The following CDCA5 variants were observed in gnomAD, a reference collection of about 807,000 sequenced individuals.
CDCA5 encodes the protein cell division cycle associated 5, also known as sororin.
A neutral mutation model predicts 25.7 loss-of-function variants in CDCA5; 14 were observed. The observed-to-expected ratio is 0.54, with a 90% CI of 0.36 to 0.85. The LOEUF is 0.85. Among genes scored for constraint, CDCA5 ranks in the 40% least tolerant of loss-of-function variants. The pLI is 0.01. For synonymous variants in CDCA5, 127 were observed against 128.7 expected, an observed-to-expected ratio of 0.99 and a Z score of 0.09; for missense variants, 307 against 324.5, an observed-to-expected ratio of 0.95 and a Z score of 0.41.
At position 65,083,913 on chromosome 11, in the gene CDCA5, C is replaced by T; in HGVS notation, c.46+20G>A. The stretch of plus-strand genomic sequence containing the variant: ...CCCCAAACGGCTCGACCTCACGTCT[C>T]CCGCGCGCCCTCCGCTCACCGGAGC... On this transcript the variant is annotated intron_variant, in intron 1 of 5. Coordinates refer to ENST00000275517, the MANE Select transcript of CDCA5 (RefSeq NM_080668.4). The T allele has an allele frequency of 6.2e-7, 1 of 1,609,424 alleles. No homozygotes were observed. The highest frequency in any genetic ancestry group is 8.5e-7 in the Non-Finnish European group (1 of 1,179,808).
downstream of CDCA5, among the ~76,000 whole-genome samples, chr11:65,061,792 A>G (rs530589848): frequency 1.3e-5 from 2 of 150,850 alleles, no homozygotes; most frequent in Admixed American, 1.3e-4. Flanking sequence ...AAAAAAAAAA[A>G]AAACAAAAAA....
At position 65,079,200 on chromosome 11, in the gene CDCA5, A is replaced by T; in HGVS notation, c.679-13T>A. 6.5e-7 allele frequency: 1 copy of T among 1,530,342 alleles called. No individual in the cohort carries two copies. The highest frequency in any genetic ancestry group is 8.8e-7 in the Non-Finnish European group (1 of 1,139,672). The allele number at this position is 1,530,342 out of a possible 1,614,324, so 94.8% of individuals were successfully genotyped here. A position where few individuals can be genotyped will look rare whatever the true frequency, so the allele number is the denominator to read the frequency against. ...CCAGCTCCGTTTTCTGAGGGAAGAG[A>T]AATGAGGAGCAGGTGAGTGAGAAGG... On this transcript the variant is annotated splice_polypyrimidine_tract_variant and intron_variant, in intron 5 of 5. Transcript: ENST00000275517.
chr11:65,079,741 A>G lies in CDCA5; in HGVS notation c.290T>C (p.Leu97Pro). The G allele has an allele frequency of 6.6e-7, 1 of 1,504,746 alleles. No homozygotes were observed. The highest frequency in any genetic ancestry group is 8.9e-7 in the Non-Finnish European group (1 of 1,127,734). 93.2% of individuals were successfully genotyped at this position (1,504,746 alleles called of 1,614,324 possible). ...TGTCTTGAAAAGGTCCTCCTTAGTA[A>G]GCTCCCTGCCAGGGGGCTCGTTTTC... ...EKENEPPGRE[L>P]TKEDLFKTHS... is the part of the protein sequence containing the mutation. The change falls in exon 5 of 6, where the codon CTT becomes CCT. Residue 97 changes from leucine (L) to proline (P), a missense_variant. Physicochemically the swap from Leu to Pro is moderately conservative, Grantham distance 98 (BLOSUM62 -3). Coordinates refer to ENST00000275517, the MANE Select transcript of CDCA5 (RefSeq NM_080668.4).
chr11:65,067,858 C>T, intron 3 of CDCA5: 1 of 827,544 alleles, frequency 1.2e-6, no homozygotes, highest in South Asian at 1.5e-5. Context: ...TTCAGCAGGC[C>T]TCTCTGGGCC....
At chr11:65,075,591 G>A (rs114360413), downstream of CDCA5, among the ~76,000 whole-genome samples, 1,316 of 152,124 alleles carry the variant, frequency 8.7e-3, 22 homozygotes, top group African/African-American at 0.03. Context: ...GCCACATGGG[G>A]TGAAGGAAGA....
downstream of CDCA5, among the ~76,000 whole-genome samples, chr11:65,062,600 C>T (rs1297047851): frequency 6.6e-6 from 1 of 152,124 alleles, no homozygotes; most frequent in Non-Finnish European, 1.5e-5. Context: ...GCTCAAATGT[C>T]ACTTCTCAAT....
At position 65,077,736 on chromosome 11, in the gene CDCA5, C is replaced by T. The variant is rs1181250799; in HGVS notation, c.*1371G>A. The stretch of plus-strand genomic sequence containing the variant: ...GTCTGACAAACCACAGAGCGTTGAG[C>T]AGATGGCCTGGGACTCCCAGACCTG... On this transcript the variant is annotated 3_prime_UTR_variant, in exon 6 of 6. Coordinates refer to ENST00000275517, the MANE Select transcript of CDCA5 (RefSeq NM_080668.4). 1.0e-6 allele frequency: 1 copy of T among 985,500 alleles called. No homozygotes were observed. The highest frequency in any genetic ancestry group is 1.7e-5 in the African/African-American group (1 of 57,226). The allele number at this position is 985,500 out of a possible 1,614,324, so 61.0% of individuals were successfully genotyped here. A position where few individuals can be genotyped will look rare whatever the true frequency, so the allele number is the denominator to read the frequency against.
intron 1 of CDCA5, among the ~76,000 whole-genome samples, chr11:65,070,745 A>G (rs1947324279): frequency 1.3e-5 from 2 of 151,992 alleles, no homozygotes; most frequent in South Asian, 2.1e-4. Flanking sequence ...TCCTCTCCCA[A>G]AGTGCTGGGA....
chr11:65,067,573 G>T, intron 4 of CDCA5: 1 of 804,922 alleles, frequency 1.2e-6, no homozygotes, highest in Non-Finnish European at 1.8e-6. Context: ...AGCCACGTGG[G>T]CCCTGACCTG....
chr11:65,082,650 C>G (rs1947595991), intron 4 of CDCA5, among the ~76,000 whole-genome samples: 1 of 151,874 alleles, frequency 6.6e-6, no homozygotes, highest in South Asian at 2.1e-4. Context: ...TTAGTAGACA[C>G]AGGGTTTCAC....
At chr11:65,063,123 A>G (rs1248206123), downstream of CDCA5, among the ~76,000 whole-genome samples, 3 of 152,340 alleles carry the variant, frequency 2.0e-5, no homozygotes, top group Non-Finnish European at 2.9e-5. Flanking sequence ...GACCCCTGGG[A>G]AGCAGATCCC....
rs1288456616 is a variant in CDCA5, at chr11:65,079,647, T to C, written c.384A>G (p.Glu128=). The part of the protein sequence containing the change: ...PNPEAESSSK[E]GELDARDLEM... ...CCAAGTCTCTGGCGTCCAGCTCTCC[T>C]TCCTTGGAGCTGGACTCGGCCTCAG... is the stretch of plus-strand genomic sequence containing the variant. Residue 128 remains glutamate (E), a synonymous_variant, in exon 5 of 6, where the codon GAA becomes GAG. Coordinates refer to ENST00000275517, the MANE Select transcript of CDCA5 (RefSeq NM_080668.4). 1 of 1,607,370 alleles carries C rather than the reference T, an allele frequency of 6.2e-7. No homozygotes were observed. The highest frequency in any genetic ancestry group is 1.7e-5 in the Admixed American group (1 of 59,280).
At position 65,083,562 on chromosome 11, in the gene CDCA5, G is replaced by A. The variant is rs772299378; in HGVS notation, c.142-12C>T. 6 of 1,614,050 alleles carry A rather than the reference G, an allele frequency of 3.7e-6. No individual in the cohort carries two copies. In the South Asian group the frequency reaches 4.4e-5, roughly 12 times the overall value. Reference sequence around the variant, plus strand: ...GCCGCACTGGGTGTCTGGAGAAGAGGGATGAACGTGAGCTCAACATTAGGT... The same window carrying A: ...GCCGCACTGGGTGTCTGGAGAAGAGAGATGAACGTGAGCTCAACATTAGGT... On this transcript the variant is annotated splice_polypyrimidine_tract_variant and intron_variant, in intron 2 of 5. Coordinates refer to ENST00000275517, the MANE Select transcript of CDCA5 (RefSeq NM_080668.4).
At position 65,083,862 on chromosome 11, in the gene CDCA5, G is replaced by A. The variant is rs989160485; in HGVS notation, c.46+71C>T. On this transcript the variant is annotated intron_variant, in intron 1 of 5. Coordinates refer to ENST00000275517, the MANE Select transcript of CDCA5 (RefSeq NM_080668.4). ...CTCCGGCGGCGGCAGCGGGAGGGAA[G>A]AGGCCATCTTTCACCGGACTGCGTC... 45 of 1,600,974 alleles carry A rather than the reference G, an allele frequency of 2.8e-5. No individual in the cohort carries two copies. The African/African-American group carries it at 5.6e-4, about 20-fold the overall frequency.
intron 3 of CDCA5, chr11:65,067,839 G>A (rs1947268693): frequency 2.1e-6 from 2 of 952,862 alleles, no homozygotes; most frequent in Admixed American, 4.8e-5. Flanking sequence ...CCCAGCCAAA[G>A]GCCCCGGCTT....
downstream of CDCA5, among the ~76,000 whole-genome samples, chr11:65,074,627 T>C (rs940625679): frequency 1.9e-4 from 28 of 151,012 alleles, no homozygotes; most frequent in African/African-American, 6.6e-4. Flanking sequence ...TAGTCTCAGC[T>C]ACTTGGGCAG....
chr11:65,077,301 G>T (rs1947465168), downstream of CDCA5, among the ~76,000 whole-genome samples: 1 of 151,778 alleles, frequency 6.6e-6, no homozygotes, highest in South Asian at 2.1e-4. Flanking sequence ...AAAAAAAAAA[G>T]TGTGTGGGGC....
intron 1 of CDCA5, among the ~76,000 whole-genome samples, chr11:65,069,212 C>A (rs953091243): frequency 1.4e-5 from 2 of 141,902 alleles, no homozygotes; most frequent in East Asian, 4.1e-4. Context: ...TGCACTCCAG[C>A]CTGGGCTTCA....
chr11:65,070,539 A>G (rs894968222), intron 1 of CDCA5, among the ~76,000 whole-genome samples: 1 of 152,204 alleles, frequency 6.6e-6, no homozygotes, highest in Non-Finnish European at 1.5e-5. Context: ...GCTGGAGTGC[A>G]GTGGCACCCT....
Sources: gnomAD v4.1 joint callset for allele counts (sites outside exome capture counted in the v4.1 genomes callset) on GRCh38, gnomAD v4.1.1 for gene constraint, MANE v1.5 for transcripts, NCBI Gene and HGNC (gene_info 2026-07-23, HGNC 2026-07-21) for gene names.